ANOS1: variants seen among roughly 807,000 people sequenced by gnomAD.
ANOS1 encodes the protein anosmin-1.
A neutral mutation model predicts 59.0 loss-of-function variants in ANOS1; 6 were observed. That is an observed-to-expected ratio of 0.10 (90% CI 0.06 to 0.20). The LOEUF (loss-of-function observed/expected upper bound fraction) is 0.20. ANOS1 is among the 10% of genes least tolerant of loss of function. The probability of loss-of-function intolerance (pLI) is 1.00; values close to 1 mark genes in which losing one functional copy is unlikely to be tolerated. For synonymous variants in ANOS1, 217 were observed against 223.4 expected (o/e 0.97, Z 0.25); for missense variants, 433 against 542.3 (o/e 0.80, Z 2.00).
intron 2 of ANOS1, among the ~76,000 whole-genome samples, chrX:8,666,910 C>A (rs1243294809): frequency 8.9e-6 from 1 of 111,891 alleles, no homozygotes; most frequent in African/African-American, 3.3e-5. Flanking sequence ...GACAACATCA[C>A]CCCATGAGGG....
chrX:8,550,733 C>T (rs1929842635), intron 9 of ANOS1, among the ~76,000 whole-genome samples: 1 of 105,764 alleles, frequency 9.5e-6, no homozygotes, highest in Non-Finnish European at 1.9e-5. Context: ...GGAAAATAGT[C>T]ATTTAAAAAA....
At chrX:8,642,985 GT>G (rs1276994310) in intron 2 of ANOS1, among the ~76,000 whole-genome samples, 1 of 112,408 alleles carries the variant, frequency 8.9e-6, no homozygotes, top group Non-Finnish European at 1.9e-5. Flanking sequence ...TTTCGTGTTA[GT>G]TTTTGAATAA....
chrX:8,616,487 C>A (rs912202830), intron 3 of ANOS1, among the ~76,000 whole-genome samples: 1 of 111,426 alleles, frequency 9.0e-6, no homozygotes, highest in Admixed American at 9.6e-5. Context: ...CAGCCTAGAA[C>A]TCTCACCTAA....
intron 6 of ANOS1, among the ~76,000 whole-genome samples, chrX:8,575,488 A>C (rs776023625): frequency 3.7e-4 from 42 of 112,096 alleles, no homozygotes; most frequent in African/African-American, 1.4e-3. Context: ...ACATTTAAGA[A>C]GGTCACTGAA....
chrX:8,705,092 T>C (rs12009919), intron 1 of ANOS1, among the ~76,000 whole-genome samples: 6,045 of 111,598 alleles, frequency 0.054, 177 homozygotes, highest in African/African-American at 0.11. Flanking sequence ...ATGGTATTGG[T>C]ATTTTTACTT....
At chrX:8,614,419 G>A (rs933155004) in intron 3 of ANOS1, among the ~76,000 whole-genome samples, 4 of 111,190 alleles carry the variant, frequency 3.6e-5, no homozygotes, top group East Asian at 5.7e-4. Flanking sequence ...ATTCTATAAC[G>A]CAGAGTTGTA....
Position 8,585,353 on chromosome X carries a change from C to A in ANOS1, c.770G>T (p.Arg257Leu), listed in dbSNP as rs1390812806. ...AGCAGCCACTCGAAACTGGTACCAT[C>A]GGCTGGGTCTTATGTCAGTCAGTTG... ...RVQLTDIRPS[R>L]WYQFRVAAVN... Residue 257 changes from arginine (R) to leucine (L), a missense_variant, in exon 6 of 14, where the codon CGA becomes CTA. Transcript: ENST00000262648. The A allele has an allele frequency of 2.5e-6, 3 of 1,209,375 alleles. No individual in the cohort carries two copies. Among genetic ancestry groups the A allele is most frequent in the Non-Finnish European group, 3.4e-6 (3 of 894,563 alleles).
chrX:8,591,789 C>G (rs1381299781), intron 4 of ANOS1, among the ~76,000 whole-genome samples: 1 of 112,492 alleles, frequency 8.9e-6, no homozygotes, highest in Non-Finnish European at 1.9e-5. Context: ...ACAGTCCTCA[C>G]TGGCTGAACC....
intron 2 of ANOS1, among the ~76,000 whole-genome samples, chrX:8,683,205 T>C (rs1932453380): frequency 9.0e-6 from 1 of 111,390 alleles, no homozygotes; most frequent in African/African-American, 3.3e-5. Flanking sequence ...TTTGAGAGAT[T>C]TATCAGAAGG....
chrX:8,683,577 A>G (rs1932459893), intron 2 of ANOS1, among the ~76,000 whole-genome samples: 1 of 111,999 alleles, frequency 8.9e-6, no homozygotes, highest in African/African-American at 3.2e-5. Context: ...AACGGTCTAC[A>G]TGTGTTACAG....
intron 3 of ANOS1, among the ~76,000 whole-genome samples, chrX:8,612,555 T>C (rs1931079282): frequency 1.8e-5 from 2 of 108,676 alleles, no homozygotes; most frequent in South Asian, 7.8e-4. Context: ...CAAGAAGTTT[T>C]TTTTTTTTTT....
chrX:8,587,935 C>T lies in ANOS1; in HGVS notation c.585G>A (p.Leu195=), dbSNP rs747828250. The part of the protein sequence containing the change: ...KPRKELRFTE[L]QSGQLEVKWS... ...ACTTAACCTCCAGCTGTCCAGACTG[C>T]AGTTCTGTAAATCGTAACTCTTTTC... Residue 195 remains leucine, a synonymous_variant, in exon 5 of 14, where the codon CTG becomes CTA. Transcript: ENST00000262648. 2 of 1,210,011 alleles carry T rather than the reference C, an allele frequency of 1.7e-6. No homozygotes were observed. Among genetic ancestry groups the T allele is most frequent in the Admixed American group, 2.2e-5 (1 of 45,944 alleles).
intron 2 of ANOS1, among the ~76,000 whole-genome samples, chrX:8,635,656 A>G (rs1025539464): frequency 9.8e-5 from 11 of 112,428 alleles, no homozygotes; most frequent in Admixed American, 6.6e-4. Flanking sequence ...TCAAAGTGCT[A>G]AAAAATCAGT....
At chrX:8,664,544 A>G (rs1299092322) in intron 2 of ANOS1, among the ~76,000 whole-genome samples, 1 of 110,230 alleles carries the variant, frequency 9.1e-6, no homozygotes, top group Non-Finnish European at 1.9e-5. Flanking sequence ...ACAGCAATAC[A>G]GAAATTCCAG....
chrX:8,666,312 A>G (rs1932134920), intron 2 of ANOS1, among the ~76,000 whole-genome samples: 1 of 112,258 alleles, frequency 8.9e-6, no homozygotes, highest in East Asian at 2.8e-4. Flanking sequence ...GTATTTAACA[A>G]ATTCTAAAGA....
chrX:8,597,309 G>T, intron 3 of ANOS1, 53 bp from the exon 4 acceptor site: 1 of 1,021,488 alleles, frequency 9.8e-7, no homozygotes, highest in Non-Finnish European at 1.4e-6. Context: ...CATGAAGTCT[G>T]ATTTCCAAGA....
intron 2 of ANOS1, among the ~76,000 whole-genome samples, chrX:8,680,541 G>A (rs1320722214): frequency 9.0e-6 from 1 of 111,273 alleles, no homozygotes; most frequent in Non-Finnish European, 1.9e-5. Flanking sequence ...TAGAGTTGTC[G>A]ATCAGATGAT....
intron 5 of ANOS1, among the ~76,000 whole-genome samples, chrX:8,586,220 G>A (rs1930507368): frequency 8.9e-6 from 1 of 111,884 alleles, no homozygotes; most frequent in Admixed American, 9.5e-5. Context: ...TAAGGAAACA[G>A]GATTGGATTT....
chrX:8,619,426 A>G (rs1931246156), intron 3 of ANOS1, among the ~76,000 whole-genome samples: 1 of 111,114 alleles, frequency 9.0e-6, no homozygotes, highest in East Asian at 2.9e-4. Context: ...CAACATGGTG[A>G]AACCCCGTCT....
Sources: gnomAD v4.1 joint callset for allele counts (sites outside exome capture counted in the v4.1 genomes callset) on GRCh38, gnomAD v4.1.1 for gene constraint, MANE v1.5 for transcripts, NCBI Gene and HGNC (gene_info 2026-07-23, HGNC 2026-07-21) for gene names.